The following PTPRCAP variants were observed in gnomAD, a reference collection of about 807,000 sequenced individuals.
The protein encoded by PTPRCAP is protein tyrosine phosphatase receptor type C associated protein.
For missense variants in PTPRCAP, 294 were observed against 285.5 expected, an observed-to-expected ratio of 1.03 and a Z score of -0.22; for synonymous variants, 136 against 135.8, an observed-to-expected ratio of 1.00 and a Z score of -0.01.
At chr11:67,437,574 C>G (rs1864312395) in intron 1 of PTPRCAP, 43 bp downstream of exon 1, 5 of 1,343,518 alleles carry the variant, frequency 3.7e-6, no homozygotes, top group South Asian at 2.3e-5. Context: ...CCCCGACCGC[C>G]TGTGGCCCCC....
rs1391266494 is a variant in PTPRCAP at position 67,436,125 on chromosome 11, G to A, written c.229C>T (p.Arg77Cys). ...PARLGAALWGRTRRLLWASPP... is the reference protein window; with the variant it reads ...PARLGAALWGCTRRLLWASPP... ...CTGGCCCAGAGCAGGCGCCGCGTGCGGCCCCACAGCGCGGCACCTAGGCGG... is the reference window on the plus strand; with the variant it reads ...CTGGCCCAGAGCAGGCGCCGCGTGCAGCCCCACAGCGCGGCACCTAGGCGG... Residue 77 changes from arginine to cysteine, a missense_variant, in exon 2 of 2, where the codon CGC becomes TGC. Transcript: ENST00000326294. 2 of 1,593,280 alleles carry A rather than the reference G, an allele frequency of 1.3e-6. No homozygotes were observed. Among genetic ancestry groups the A allele is most frequent in the Middle Eastern group, 1.7e-4 (1 of 6,018 alleles).
At chr11:67,437,566 C>T in intron 1 of PTPRCAP, 51 bp downstream of exon 1, 1 of 1,338,766 alleles carries the variant, frequency 7.5e-7, no homozygotes, top group South Asian at 2.4e-5. Context: ...CATTCTAGCC[C>T]CGACCGCCTG....
In PTPRCAP at chr11:67,436,292, G is replaced by A. The variant is rs753862500; in HGVS notation, c.62C>T (p.Ser21Leu). The A allele has an allele frequency of 1.3e-5, 20 of 1,532,610 alleles. 1 individual carries two copies. The highest frequency in any genetic ancestry group is 1.1e-4 in the South Asian group (9 of 82,042). 94.9% of individuals were successfully genotyped at this position (1,532,610 alleles called of 1,614,324 possible). ...CACGCTGTCCTCCGCGCTGCCACCC[G>A]AGCCCAAGGCCCCTGGCAGGGCCAG... ...MLLALPGALG[S>L]GGSAEDSVGS... The change falls in exon 2 of 2, where the codon TCG becomes TTG. Residue 21 changes from serine (S) to leucine (L), a missense_variant. Ser to Leu is a moderately radical substitution (Grantham distance 145). Coordinates refer to ENST00000326294, the MANE Select transcript of PTPRCAP (RefSeq NM_005608.3).
In PTPRCAP at chr11:67,435,920, A is replaced by G; in HGVS notation, c.434T>C (p.Val145Ala). The G allele has an allele frequency of 6.2e-7, 1 of 1,612,980 alleles. No homozygotes were observed. The highest frequency in any genetic ancestry group is 8.5e-7 in the Non-Finnish European group (1 of 1,179,754). ...ACTGTCTCTGGCTTCCTCAGCCCGC[A>G]CGGGGACCTGCTCTGGGCTGGACGC... ...GEASSPEQVPVRAEEARDSDT... is the reference protein window; with the variant it reads ...GEASSPEQVPARAEEARDSDT... The change falls in exon 2 of 2, where the codon GTG becomes GCG. Residue 145 changes from valine to alanine, a missense_variant. Coordinates refer to ENST00000326294, the MANE Select transcript of PTPRCAP (RefSeq NM_005608.3).
chr11:67,437,574 C>T, intron 1 of PTPRCAP, 43 bp downstream of exon 1: 1 of 1,343,518 alleles, frequency 7.4e-7, no homozygotes, highest in East Asian at 2.8e-5. Context: ...CCCCGACCGC[C>T]TGTGGCCCCC....
chr11:67,435,551 C>A lies in PTPRCAP; in HGVS notation c.*182G>T. ...TTTATTTCAAATGGTTGCCTGATGC[C>A]TGTGGTTGGGGGGGGCCGTTCCCGT... On this transcript the variant is annotated 3_prime_UTR_variant, in exon 2 of 2. Transcript: ENST00000326294. The A allele has an allele frequency of 1.1e-6, 1 of 873,916 alleles. No individual in the cohort carries two copies. The highest frequency in any genetic ancestry group is 1.7e-6 in the Non-Finnish European group (1 of 604,802). 54.1% of individuals were successfully genotyped at this position (873,916 alleles called of 1,614,324 possible).
chr11:67,435,609 G>A lies in PTPRCAP; in HGVS notation c.*124C>T. ...GGGGTACACATGGACTTGGGAACTG[G>A]TAGGGGGTGACAGTCTGAGGCATGG... On this transcript the variant is annotated 3_prime_UTR_variant, in exon 2 of 2. Transcript: ENST00000326294. 7.1e-7 allele frequency: 1 copy of A among 1,415,038 alleles called. No homozygotes were observed. The highest frequency in any genetic ancestry group is 9.4e-7 in the Non-Finnish European group (1 of 1,065,030). 87.7% of individuals were successfully genotyped at this position (1,415,038 alleles called of 1,614,324 possible). A position where few individuals can be genotyped will look rare whatever the true frequency, so the allele number is the denominator to read the frequency against.
rs1267674577 is a variant in PTPRCAP, at chr11:67,436,083, G to C, written c.271C>G (p.Leu91Val). 1 of 1,611,790 alleles carries C rather than the reference G, an allele frequency of 6.2e-7. No homozygotes were observed. Among genetic ancestry groups the C allele is most frequent in the African/African-American group, 1.3e-5 (1 of 74,894 alleles). ...LLWASPPGRW[L>V]QARAELGSTD... is the part of the protein sequence containing the mutation. ...GACCCCAGCTCAGCTCGGGCCTGCAGCCAGCGACCTGGGGGGCTGGCCCAG... is the reference window on the plus strand; with the variant it reads ...GACCCCAGCTCAGCTCGGGCCTGCACCCAGCGACCTGGGGGGCTGGCCCAG... The change falls in exon 2 of 2, where the codon CTG becomes GTG. Residue 91 changes from leucine (L) to valine (V), a missense_variant. By Grantham distance (32) the Leu-to-Val change is conservative. Transcript: ENST00000326294.
chr11:67,436,460 T>C (rs1864282971), intron 1 of PTPRCAP, 110 bp from the exon 2 acceptor site: 1 of 1,270,326 alleles, frequency 7.9e-7, no homozygotes. Flanking sequence ...TGGGATCCTC[T>C]TGGGACAGCC....
chr11:67,436,844 T>C (rs2135136344), intron 1 of PTPRCAP: 1 of 155,476 alleles, frequency 6.4e-6, no homozygotes, highest in South Asian at 2.0e-4. Flanking sequence ...TATTGTCTTA[T>C]CTACCCCCCA....
intron 1 of PTPRCAP, chr11:67,437,276 C>G (rs564678957): frequency 7.4e-6 from 2 of 271,526 alleles, no homozygotes. Flanking sequence ...TGGGGGGTGT[C>G]GGGGGAGGGG....
At chr11:67,437,304 C>G in intron 1 of PTPRCAP, 1 of 325,064 alleles carries the variant, frequency 3.1e-6, no homozygotes, top group Non-Finnish European at 5.6e-6. Flanking sequence ...GTGCAGCCAG[C>G]CTCCCCCACC....
Position 67,436,304 on chromosome 11 carries a change from C to T in PTPRCAP, c.50G>A (p.Gly17Glu), listed in dbSNP as rs1191851712. 1 of 1,525,000 alleles carries T rather than the reference C, an allele frequency of 6.6e-7. No individual in the cohort carries two copies. Among genetic ancestry groups the T allele is most frequent in the Admixed American group, 2.0e-5 (1 of 49,400 alleles). 94.5% of individuals were successfully genotyped at this position (1,525,000 alleles called of 1,614,324 possible). Residue 17 changes from glycine (G) to glutamate (E), a missense_variant, in exon 2 of 2, where the codon GGG becomes GAG. Physicochemically the swap from Gly to Glu is moderately conservative, Grantham distance 98 (BLOSUM62 -2). Coordinates refer to ENST00000326294, the MANE Select transcript of PTPRCAP (RefSeq NM_005608.3). ...LGLGMLLALP[G>E]ALGSGGSAED... ...CGCGCTGCCACCCGAGCCCAAGGCCCCTGGCAGGGCCAGCAGCATCCCGAG... is the reference window on the plus strand; with the variant it reads ...CGCGCTGCCACCCGAGCCCAAGGCCTCTGGCAGGGCCAGCAGCATCCCGAG...
rs370854668 is a variant in PTPRCAP at position 67,436,291 on chromosome 11, C to A, written c.63G>T (p.Ser21=). 334 of 1,532,638 alleles carry A rather than the reference C, an allele frequency of 2.2e-4. No homozygotes were observed. Among genetic ancestry groups the A allele is most frequent in the Non-Finnish European group, 2.9e-4 (327 of 1,143,372 alleles). The allele number at this position is 1,532,638 out of a possible 1,614,324, so 94.9% of individuals were successfully genotyped here. A position where few individuals can be genotyped will look rare whatever the true frequency, so the allele number is the denominator to read the frequency against. ...CCACGCTGTCCTCCGCGCTGCCACC[C>A]GAGCCCAAGGCCCCTGGCAGGGCCA... The part of the protein sequence containing the change: ...MLLALPGALG[S]GGSAEDSVGS... The change falls in exon 2 of 2, where the codon TCG becomes TCT. Residue 21 remains serine (S), a synonymous_variant. Coordinates refer to ENST00000326294, the MANE Select transcript of PTPRCAP (RefSeq NM_005608.3).
intron 1 of PTPRCAP, chr11:67,436,661 G>A (rs991288934): frequency 1.3e-5 from 4 of 314,612 alleles, no homozygotes; most frequent in African/African-American, 8.7e-5. Flanking sequence ...CCCTCCCCCG[G>A]GCTGCATGGC....
intron 1 of PTPRCAP, chr11:67,437,381 C>G (rs754858851): frequency 2.4e-6 from 1 of 415,988 alleles, no homozygotes; most frequent in Non-Finnish European, 4.2e-6. Context: ...AGGTAAGGGC[C>G]TTCCCAGGGC....
chr11:67,436,457 C>G, intron 1 of PTPRCAP, 107 bp from the exon 2 acceptor site: 2 of 1,293,136 alleles, frequency 1.5e-6, no homozygotes, highest in South Asian at 3.3e-5. Flanking sequence ...CTTTGGGATC[C>G]TCTTGGGACA....
rs199927418 is a variant in PTPRCAP at position 67,435,698 on chromosome 11, C to G, written c.*35G>C. 6.7e-7 allele frequency: 1 copy of G among 1,498,222 alleles called. No individual in the cohort carries two copies. The highest frequency in any genetic ancestry group is 2.3e-5 in the East Asian group (1 of 43,580). The allele number at this position is 1,498,222 out of a possible 1,614,324, so 92.8% of individuals were successfully genotyped here. On this transcript the variant is annotated 3_prime_UTR_variant, in exon 2 of 2. Coordinates refer to ENST00000326294, the MANE Select transcript of PTPRCAP (RefSeq NM_005608.3). Reference sequence around the variant, plus strand: ...GGGAAGCAGAGGCACGGGGAGTGAGCGGCTGTGACAGGGATGGGACACCAA... The same window carrying G: ...GGGAAGCAGAGGCACGGGGAGTGAGGGGCTGTGACAGGGATGGGACACCAA...
In PTPRCAP at chr11:67,436,264, G is replaced by C. The variant is rs553440811; in HGVS notation, c.90C>G (p.Gly30=). The change falls in exon 2 of 2, where the codon GGC becomes GGG. Residue 30 remains glycine, a synonymous_variant. Transcript: ENST00000326294. ...GCAGGACAACGGTGACAGAGCTGGAGCCCACGCTGTCCTCCGCGCTGCCAC... is the reference window on the plus strand; with the variant it reads ...GCAGGACAACGGTGACAGAGCTGGACCCCACGCTGTCCTCCGCGCTGCCAC... ...GSGGSAEDSV[G]SSSVTVVLLL... is the part of the protein sequence containing the mutation. The C allele has an allele frequency of 1.9e-6, 3 of 1,544,448 alleles. No homozygotes were observed. Among genetic ancestry groups the C allele is most frequent in the East Asian group, 2.4e-5 (1 of 41,078 alleles).
Sources: gnomAD v4.1 joint callset for allele counts on GRCh38, gnomAD v4.1.1 for gene constraint, MANE v1.5 for transcripts, NCBI Gene and HGNC (gene_info 2026-07-23, HGNC 2026-07-21) for gene names.